The following UGT1A8 variants were observed in gnomAD, a reference collection of about 807,000 sequenced individuals.
The protein encoded by UGT1A8 is UDP glucuronosyltransferase family 1 member A8.
UGT1A8 carries 39 observed loss-of-function variants against 45.3 expected under a neutral mutation model. That is an observed-to-expected ratio of 0.86 (90% CI 0.67 to 1.12). The LOEUF is 1.12. Ranked by LOEUF, UGT1A8 falls within the 50% of genes most tolerant of loss-of-function variation. The pLI is 0.00. For synonymous variants in UGT1A8, 275 were observed against 249.2 expected, an observed-to-expected ratio of 1.10 and a Z score of -0.97; for missense variants, 719 against 664.9, an observed-to-expected ratio of 1.08 and a Z score of -0.90.
intron 1 of UGT1A8, chr2:233,747,763 G>A (rs181313522): frequency 8.1e-6 from 13 of 1,613,376 alleles, no homozygotes; most frequent in East Asian, 6.7e-5. Flanking sequence ...GACTTTAAGG[G>A]CACACAGTGT....
chr2:233,681,821 A>T, intron 1 of UGT1A8: 7 of 1,497,998 alleles, frequency 4.7e-6, no homozygotes, highest in South Asian at 1.4e-5. Flanking sequence ...ATTTTTTTTT[A>T]AATGAATGAA....
intron 1 of UGT1A8, chr2:233,636,576 G>C: frequency 2.5e-6 from 4 of 1,614,128 alleles, no homozygotes; most frequent in Non-Finnish European, 2.5e-6. Context: ...GTCTACTGCT[G>C]ACCTGTGGCT....
chr2:233,619,220 A>G (rs1402877094), intron 1 of UGT1A8, among the ~76,000 whole-genome samples: 1 of 151,996 alleles, frequency 6.6e-6, no homozygotes, highest in East Asian at 1.9e-4. Context: ...TGCATTTTTT[A>G]TTTGCCAATA....
At chr2:233,648,306 CA>C in intron 1 of UGT1A8, 2 of 544,414 alleles carry the variant, frequency 3.7e-6, no homozygotes, top group South Asian at 1.9e-5. Flanking sequence ...TAATTGTTGC[CA>C]AATATTTCTC....
intron 1 of UGT1A8, among the ~76,000 whole-genome samples, chr2:233,631,618 T>C (rs992616411): frequency 1.4e-4 from 22 of 152,216 alleles, no homozygotes; most frequent in African/African-American, 5.3e-4. Context: ...ATATGCTTGT[T>C]GGTTGTATAA....
intron 1 of UGT1A8, among the ~76,000 whole-genome samples, chr2:233,761,605 A>G (rs1697811953): frequency 6.6e-6 from 1 of 152,260 alleles, no homozygotes; most frequent in South Asian, 2.1e-4. Context: ...TCCAGTTTCT[A>G]AATATTCTGA....
At chr2:233,642,029 C>T (rs948630391) in intron 1 of UGT1A8, among the ~76,000 whole-genome samples, 2 of 152,144 alleles carry the variant, frequency 1.3e-5, no homozygotes, top group Non-Finnish European at 2.9e-5. Flanking sequence ...CCTTCTCATA[C>T]TTGAATATAG....
At chr2:233,729,583 C>T (rs1274615489) in intron 1 of UGT1A8, 17 of 1,613,918 alleles carry the variant, frequency 1.1e-5, no homozygotes, top group Non-Finnish European at 1.4e-5. Flanking sequence ...TTTAACAGAC[C>T]CCGTTAACCT....
intron 1 of UGT1A8, among the ~76,000 whole-genome samples, chr2:233,706,871 C>A (rs186503307): frequency 1.3e-5 from 2 of 152,324 alleles, no homozygotes; most frequent in East Asian, 3.9e-4. Flanking sequence ...CTAGACCTGG[C>A]ACTTCCCAGC....
chr2:233,690,420 A>C (rs1433284612), intron 1 of UGT1A8: 1 of 1,233,876 alleles, frequency 8.1e-7, no homozygotes, highest in African/African-American at 1.6e-5. Flanking sequence ...AATTACCTTC[A>C]TGCACATCTT....
intron 1 of UGT1A8, among the ~76,000 whole-genome samples, chr2:233,731,547 T>A (rs548605747): frequency 6.6e-6 from 1 of 152,218 alleles, no homozygotes; most frequent in Non-Finnish European, 1.5e-5. Flanking sequence ...TGGTTTTCTG[T>A]CCATGTGATA....
At chr2:233,757,560 A>ATATATATATATATATATATATATATATG (rs904896556) in intron 1 of UGT1A8, among the ~76,000 whole-genome samples, 8 of 123,138 alleles carry the variant, frequency 6.5e-5, no homozygotes, top group African/African-American at 2.4e-4. Flanking sequence ...ATATATATAT[A>ATATATATATATATATATATATATATATG]TGTATATATG....
chr2:233,730,100 C>A, intron 1 of UGT1A8: 1 of 1,582,980 alleles, frequency 6.3e-7, no homozygotes, highest in Non-Finnish European at 8.6e-7. Flanking sequence ...CCAAATATTT[C>A]ATTTCTGCTT....
Position 233,769,697 on chromosome 2 carries a change from A to G in UGT1A8, c.1295+1258A>G. 6.5e-7 allele frequency: 1 copy of G among 1,535,580 alleles called. No individual in the cohort carries two copies. Among genetic ancestry groups the G allele is most frequent in the South Asian group, 1.2e-5 (1 of 80,726 alleles). On this transcript the variant is annotated intron_variant, in intron 4 of 4. Coordinates refer to ENST00000373450, the MANE Select transcript of UGT1A8 (RefSeq NM_019076.5). This position sits in a 1 kb window ranked among gnomAD's most constrained non-coding sequence, Gnocchi z 4.4. ...TGTGTGTGTGGTGGCACTGGATAAAAGATCAATGTTGGCTAGGCACCATGG... is the reference window on the plus strand; with the variant it reads ...TGTGTGTGTGGTGGCACTGGATAAAGGATCAATGTTGGCTAGGCACCATGG...
intron 1 of UGT1A8, among the ~76,000 whole-genome samples, chr2:233,630,011 C>G (rs2073159068): frequency 6.6e-6 from 1 of 151,448 alleles, no homozygotes; most frequent in Admixed American, 6.6e-5. Flanking sequence ...TCTTTCTTCT[C>G]TCTTTTTTTT....
intron 1 of UGT1A8, chr2:233,760,443 G>C (rs773136953): frequency 6.2e-7 from 1 of 1,614,250 alleles, no homozygotes; most frequent in South Asian, 1.1e-5. Flanking sequence ...AGCTGCAGCA[G>C]AGGGGACATG....
At chr2:233,746,697 A>G (rs1693455555) in intron 1 of UGT1A8, among the ~76,000 whole-genome samples, 1 of 151,702 alleles carries the variant, frequency 6.6e-6, no homozygotes, top group African/African-American at 2.4e-5. Context: ...CATTCCATAA[A>G]TATTTGGTGG....
chr2:233,682,587 A>G, intron 1 of UGT1A8: 1 of 1,613,884 alleles, frequency 6.2e-7, no homozygotes, highest in Non-Finnish European at 8.5e-7. Context: ...TTGGAGGAAC[A>G]TTTATTTTGC....
At chr2:233,729,952 A>T in intron 1 of UGT1A8, 1 of 1,614,072 alleles carries the variant, frequency 6.2e-7, no homozygotes, top group South Asian at 1.1e-5. Context: ...CATGGTCTTC[A>T]TTGGGGGCAT....
Sources: allele counts gnomAD v4.1 joint callset (sites outside exome capture counted in the v4.1 genomes callset), GRCh38; gene constraint gnomAD v4.1.1; non-coding constraint Gnocchi (gnomAD v3.1); transcripts MANE v1.5; gene names NCBI Gene and HGNC (gene_info 2026-07-23, HGNC 2026-07-21).